PRUNE2: variants seen among roughly 807,000 people sequenced by gnomAD.
PRUNE2 encodes prune homolog 2 with BCH domain.
Under a neutral mutation model 252.0 loss-of-function variants are expected in PRUNE2, and 164 were observed. The observed-to-expected ratio is 0.65, with a 90% CI of 0.57 to 0.74. PRUNE2 has a LOEUF of 0.74. Ranked by LOEUF, PRUNE2 falls within the 30% of genes least tolerant of loss-of-function variation. PRUNE2 has a pLI of 0.00. For synonymous variants in PRUNE2, 1,292 were observed against 1,350.2 expected, an observed-to-expected ratio of 0.96 and a Z score of 0.94; for missense variants, 3,495 against 3,711.0, an observed-to-expected ratio of 0.94 and a Z score of 1.51.
intron 5 of PRUNE2, among the ~76,000 whole-genome samples, chr9:76,826,229 T>G (rs1256355059): frequency 6.6e-6 from 1 of 152,194 alleles, no homozygotes; most frequent in Admixed American, 6.5e-5. Flanking sequence ...ATCCCAGCAC[T>G]TTGGGAGGCC....
chr9:76,641,451 T>C (rs772658691), intron 12 of PRUNE2, among the ~76,000 whole-genome samples: 10 of 152,250 alleles, frequency 6.6e-5, no homozygotes, highest in Middle Eastern at 3.4e-3. Context: ...TAAAAAAAGT[T>C]TAAATTTAAA....
At chr9:76,641,850 T>G in intron 12 of PRUNE2, 2 of 1,214,228 alleles carry the variant, frequency 1.6e-6, no homozygotes, top group Non-Finnish European at 2.3e-6. Flanking sequence ...AGCAATGGAA[T>G]GGAGACAGAA....
At chr9:76,660,638 C>T (rs1022105908) in intron 9 of PRUNE2, among the ~76,000 whole-genome samples, 39 of 151,682 alleles carry the variant, frequency 2.6e-4, no homozygotes, top group Admixed American at 2.3e-3. Flanking sequence ...AAAAATTAGC[C>T]GGGTGTGGTG....
chr9:76,805,330 T>C (rs2056859032), intron 6 of PRUNE2, among the ~76,000 whole-genome samples: 1 of 152,078 alleles, frequency 6.6e-6, no homozygotes, highest in South Asian at 2.1e-4. Context: ...TTTTAGTAAG[T>C]TGTGGTGTGG....
chr9:76,708,498 A>G lies in PRUNE2; in HGVS notation c.3776T>C (p.Val1259Ala). 1 of 1,613,920 alleles carries G rather than the reference A, an allele frequency of 6.2e-7. No homozygotes were observed. Among genetic ancestry groups the G allele is most frequent in the Non-Finnish European group, 8.5e-7 (1 of 1,179,894 alleles). The stretch of plus-strand genomic sequence containing the variant: ...CGCATCTGGGGAATGAGTGTCTTTA[A>G]CATTTGCTGAATGGCTGGGGATTTC... ...PPEIPSHSAN[V>A]KDTHSPDAPA... is the part of the protein sequence containing the mutation. The change falls in exon 8 of 19, where the codon GTT (valine) becomes GCT (alanine). Residue 1259 changes from valine (V) to alanine (A), a missense_variant. Val to Ala is a moderately conservative substitution (Grantham distance 64). Coordinates refer to ENST00000376718, the MANE Select transcript of PRUNE2 (RefSeq NM_015225.3).
intron 12 of PRUNE2, among the ~76,000 whole-genome samples, chr9:76,640,224 T>G (rs1295797251): frequency 1.3e-5 from 2 of 152,138 alleles, no homozygotes; most frequent in African/African-American, 4.8e-5. Flanking sequence ...AAATACCCAC[T>G]GGTGATTTCA....
chr9:76,727,414 T>C (rs1212920689), intron 6 of PRUNE2, among the ~76,000 whole-genome samples: 1 of 152,216 alleles, frequency 6.6e-6, no homozygotes, highest in South Asian at 2.1e-4. Flanking sequence ...TTTTTATTAA[T>C]TGGCCAAATA....
rs948694563 is a variant in PRUNE2 at position 76,703,727 on chromosome 9, T to C, written c.7886A>G (p.Gln2629Arg). The change falls in exon 9 of 19, where the codon CAA becomes CGA. Residue 2629 changes from glutamine to arginine, a missense_variant. By Grantham distance (43) the Gln-to-Arg change is conservative. Coordinates refer to ENST00000376718, the MANE Select transcript of PRUNE2 (RefSeq NM_015225.3). ...DTRSSFESPA[Q>R]DQSWMFLGHS... Reference sequence around the variant, plus strand: ...GCCCAAGAACATCCAACTCTGGTCTTGTGCAGGGCTTTCAAAAGATGATCT... The same window carrying C: ...GCCCAAGAACATCCAACTCTGGTCTCGTGCAGGGCTTTCAAAAGATGATCT... 2 of 1,613,522 alleles carry C rather than the reference T, an allele frequency of 1.2e-6. No individual in the cohort carries two copies. The highest frequency in any genetic ancestry group is 2.7e-5 in the African/African-American group (2 of 74,876).
rs774369053 is a variant in PRUNE2 at position 76,705,274 on chromosome 9, C to G, written c.7000G>C (p.Asp2334His). 2 of 1,614,064 alleles carry G rather than the reference C, an allele frequency of 1.2e-6. No individual in the cohort carries two copies. Among genetic ancestry groups the G allele is most frequent in the East Asian group, 2.2e-5 (1 of 44,884 alleles). ...LSEGHPETPV[D>H]GDLGKQDICS... ...ATATCTTGCTTCCCTAGGTCCCCAT[C>G]AACTGGCGTTTCCGGATGGCCTTCG... is the stretch of plus-strand genomic sequence containing the variant. Residue 2334 changes from aspartate to histidine, a missense_variant, in exon 8 of 19, where the codon GAT (aspartate) becomes CAT (histidine). Coordinates refer to ENST00000376718, the MANE Select transcript of PRUNE2 (RefSeq NM_015225.3).
chr9:76,612,222 A>T lies in PRUNE2; in HGVS notation c.*2348T>A, dbSNP rs1049515894. 1.3e-5 allele frequency: 2 copies of T among 152,210 alleles called. No homozygotes were observed. The highest frequency in any genetic ancestry group is 2.9e-5 in the Non-Finnish European group (2 of 68,046). The allele number at this position is 152,210 out of a possible 1,614,324, so 9.4% of individuals were successfully genotyped here. Reference sequence around the variant, plus strand: ...AAAATCATTGGGACAAATGCCCATAATTTTCATGTAGGAAGATGAGGCTTC... The same window carrying T: ...AAAATCATTGGGACAAATGCCCATATTTTTCATGTAGGAAGATGAGGCTTC... On this transcript the variant is annotated 3_prime_UTR_variant, in exon 19 of 19. Coordinates refer to ENST00000376718, the MANE Select transcript of PRUNE2 (RefSeq NM_015225.3).
At position 76,711,284 on chromosome 9, in the gene PRUNE2, G is replaced by A. The variant is rs760960956; in HGVS notation, c.990C>T (p.Ile330=). Reference sequence around the variant, plus strand: ...AAGGGTCCTCTTGTTGGTACACCAGGATCTCATCACAGCCACAGTCAAAGG... The same window carrying A: ...AAGGGTCCTCTTGTTGGTACACCAGAATCTCATCACAGCCACAGTCAAAGG... ...LEPFDCGCDE[I]LVYQQEDPSV... is the part of the protein sequence containing the mutation. Residue 330 remains isoleucine, a synonymous_variant, in exon 8 of 19, where the codon ATC becomes ATT. Coordinates refer to ENST00000376718, the MANE Select transcript of PRUNE2 (RefSeq NM_015225.3). 15 of 1,613,700 alleles carry A rather than the reference G, an allele frequency of 9.3e-6. No homozygotes were observed. The highest frequency in any genetic ancestry group is 1.2e-5 in the Non-Finnish European group (14 of 1,179,872).
At chr9:76,695,330 G>A (rs700757) in intron 9 of PRUNE2, among the ~76,000 whole-genome samples, 75,421 of 152,066 alleles carry the variant, frequency 0.5, 20,199 homozygotes, top group Middle Eastern at 0.64. Flanking sequence ...AAGCCAGCGC[G>A]CCCAGCCAGG....
At chr9:76,837,684 T>C (rs1323168525) in intron 4 of PRUNE2, among the ~76,000 whole-genome samples, 1 of 151,846 alleles carries the variant, frequency 6.6e-6, no homozygotes, top group Non-Finnish European at 1.5e-5. Context: ...TATATGTGTT[T>C]ATTTCAGTAA....
intron 6 of PRUNE2, among the ~76,000 whole-genome samples, chr9:76,767,459 A>G (rs994069082): frequency 3.3e-5 from 5 of 151,832 alleles, no homozygotes; most frequent in South Asian, 2.1e-4. Context: ...CTCAAAAAAA[A>G]AAAGAAAGAA....
intron 9 of PRUNE2, among the ~76,000 whole-genome samples, chr9:76,677,126 G>A (rs574405195): frequency 1.2e-4 from 19 of 152,262 alleles, no homozygotes; most frequent in Non-Finnish European, 2.5e-4. Context: ...CTATCCTTGC[G>A]TTGCAGTCTG....
chr9:76,718,188 T>C (rs1231858831), intron 6 of PRUNE2, among the ~76,000 whole-genome samples: 1 of 152,192 alleles, frequency 6.6e-6, no homozygotes, highest in Non-Finnish European at 1.5e-5. Flanking sequence ...CAATATCCTA[T>C]TTTACGTTTT....
At chr9:76,664,772 C>T (rs113976219) in intron 9 of PRUNE2, among the ~76,000 whole-genome samples, 4,402 of 152,260 alleles carry the variant, frequency 0.029, 229 homozygotes, top group African/African-American at 0.1. Context: ...TTCGGCCTCC[C>T]AAAGTGCTGG....
intron 6 of PRUNE2, among the ~76,000 whole-genome samples, chr9:76,807,051 T>TGTGTGTGTGTGGGCGCGCGC (rs60768420): frequency 7.2e-6 from 1 of 139,338 alleles, no homozygotes; most frequent in African/African-American, 2.8e-5. Context: ...TGTGTGTGTG[T>TGTGTGTGTGTGGGCGCGCGC]GCGCGCGCGC....
chr9:76,761,415 AC>A lies in PRUNE2; in HGVS notation c.757-47695del, dbSNP rs58522652. ...ATTCTCATTTGATAAAATGGTGTCG[AC>A]AAAAATTAATCATCTATATACCTCA... is the stretch of plus-strand genomic sequence containing the variant. On this transcript the variant is annotated intron_variant, in intron 6 of 18. Transcript: ENST00000376718. 8.3e-4 allele frequency among the ~76,000 whole-genome samples: 126 copies of A among 152,346 alleles called. 1 individual carries two copies. The highest frequency in any genetic ancestry group is 3.0e-3 in the African/African-American group (125 of 41,580).
Sources: gnomAD v4.1 joint callset for allele counts (sites outside exome capture counted in the v4.1 genomes callset) on GRCh38, gnomAD v4.1.1 for gene constraint, MANE v1.5 for transcripts, NCBI Gene and HGNC (gene_info 2026-07-23, HGNC 2026-07-21) for gene names.